MMP16: variants seen among roughly 807,000 people sequenced by gnomAD.
MMP16 encodes matrix metalloproteinase-16.
MMP16 carries 12 observed loss-of-function variants against 67.8 expected under a neutral mutation model. That is an observed-to-expected ratio of 0.18 (90% CI 0.11 to 0.29). The LOEUF is 0.29. Among genes scored for constraint, MMP16 ranks in the 10% least tolerant of loss-of-function variants. The probability of loss-of-function intolerance (pLI) is 1.00; values close to 1 mark genes in which losing one functional copy is unlikely to be tolerated. For missense variants in MMP16, 475 were observed against 765.7 expected (o/e 0.62, Z 4.48); for synonymous variants, 249 against 255.9 (o/e 0.97, Z 0.26).
intron 2 of MMP16, among the ~76,000 whole-genome samples, chr8:88,195,759 T>C (rs571618397): frequency 2.6e-5 from 4 of 152,318 alleles, no homozygotes; most frequent in African/African-American, 4.8e-5. Flanking sequence ...CTTTTTATTC[T>C]TGATTCTGTT....
At chr8:88,134,042 C>T (rs1452394364) in intron 4 of MMP16, among the ~76,000 whole-genome samples, 4 of 151,676 alleles carry the variant, frequency 2.6e-5, no homozygotes, top group African/African-American at 4.8e-5. Flanking sequence ...CAAAAGCAGA[C>T]ATCTATTTAA....
At chr8:88,190,663 C>CA (rs1429659345) in intron 2 of MMP16, among the ~76,000 whole-genome samples, 2 of 152,048 alleles carry the variant, frequency 1.3e-5, no homozygotes, top group East Asian at 1.9e-4. Flanking sequence ...CCTGTTCACA[C>CA]AAAAAACAGG....
At chr8:88,185,615 GAC>G (rs1418251476) in intron 3 of MMP16, among the ~76,000 whole-genome samples, 1 of 152,134 alleles carries the variant, frequency 6.6e-6, no homozygotes, top group Non-Finnish European at 1.5e-5. Flanking sequence ...CACATAATCT[GAC>G]AGATGATTCC....
chr8:88,138,540 A>C (rs1808160203), intron 4 of MMP16, among the ~76,000 whole-genome samples: 1 of 151,856 alleles, frequency 6.6e-6, no homozygotes, highest in Non-Finnish European at 1.5e-5. Context: ...GTGCTTCCCT[A>C]CTCTCACGGA....
At chr8:88,045,286 A>T (rs1808184281) in intron 9 of MMP16, among the ~76,000 whole-genome samples, 1 of 152,056 alleles carries the variant, frequency 6.6e-6, no homozygotes, top group Admixed American at 6.6e-5. Flanking sequence ...GATTGGTATT[A>T]ATTTATCCTG....
chr8:88,307,355 A>G (rs1048629063), intron 1 of MMP16, among the ~76,000 whole-genome samples: 3 of 152,062 alleles, frequency 2.0e-5, no homozygotes, highest in African/African-American at 7.2e-5. Context: ...ATATTCAACT[A>G]TCCTTTTCTG....
intron 1 of MMP16, among the ~76,000 whole-genome samples, chr8:88,300,541 G>C (rs1811081495): frequency 1.3e-5 from 2 of 152,086 alleles, no homozygotes; most frequent in African/African-American, 2.4e-5. Context: ...AACAGTGCTT[G>C]CATTCAAGAA....
At chr8:88,251,859 A>T (rs2129926663) in intron 1 of MMP16, among the ~76,000 whole-genome samples, 16 of 114,006 alleles carry the variant, frequency 1.4e-4, no homozygotes, top group Non-Finnish European at 1.6e-4. Flanking sequence ...TTCTCAAAAG[A>T]AGACATTTAT....
chr8:88,221,952 G>A (rs1043878561), intron 1 of MMP16, among the ~76,000 whole-genome samples: 3 of 151,940 alleles, frequency 2.0e-5, no homozygotes, highest in Non-Finnish European at 4.4e-5. Context: ...TTTTTGGCAT[G>A]ATATATTACA....
intron 6 of MMP16, among the ~76,000 whole-genome samples, chr8:88,094,132 C>T (rs931746093): frequency 8.6e-5 from 13 of 151,636 alleles, no homozygotes; most frequent in African/African-American, 1.7e-4. Context: ...TGGGAAAGTA[C>T]GATAGTGTAT....
At position 88,205,353 on chromosome 8, in the gene MMP16, T is replaced by TA. The variant is rs1300269912; in HGVS notation, c.133-8048dup. On this transcript the variant is annotated intron_variant, in intron 1 of 9. Transcript: ENST00000286614. ...AAAGCCTAGGAGACCCTATTCATGT[T>TA]AAAAAAATGAGAAGGCAGACTGTCT... Among the ~76,000 whole-genome samples, 15 of 152,130 alleles carry TA rather than the reference T, an allele frequency of 9.9e-5. No homozygotes were observed. The East Asian group carries it at 1.9e-3, about 20-fold the overall frequency.
Position 88,032,308 on chromosome 8 carries a change from G to A in MMP16, c.*9153C>T, listed in dbSNP as rs1229416766. On this transcript the variant is annotated 3_prime_UTR_variant, in exon 10 of 10. Transcript: ENST00000286614. Reference sequence around the variant, plus strand: ...TGTGTGGTTAAAGGTTGCCGCAGCAGTCAAAGGGTTATAGCATTGTAAACA... The same window carrying A: ...TGTGTGGTTAAAGGTTGCCGCAGCAATCAAAGGGTTATAGCATTGTAAACA... 6.6e-6 allele frequency: 1 copy of A among 152,182 alleles called. No homozygotes were observed. Among genetic ancestry groups the A allele is most frequent in the Non-Finnish European group, 1.5e-5 (1 of 68,040 alleles). The allele number at this position is 152,182 out of a possible 1,614,324, so 9.4% of individuals were successfully genotyped here.
chr8:88,110,219 A>C (rs899716286), intron 6 of MMP16, among the ~76,000 whole-genome samples: 1 of 151,460 alleles, frequency 6.6e-6, no homozygotes, highest in Non-Finnish European at 1.5e-5. Context: ...AAACTCAGGT[A>C]ACTGAGTCCA....
At chr8:88,146,944 C>A (rs1376961730) in intron 4 of MMP16, among the ~76,000 whole-genome samples, 3 of 151,948 alleles carry the variant, frequency 2.0e-5, no homozygotes, top group Admixed American at 6.6e-5. Context: ...TATAAATGTT[C>A]TTGCTGATTC....
At chr8:88,195,083 C>G (rs1485859039) in intron 2 of MMP16, among the ~76,000 whole-genome samples, 1 of 152,094 alleles carries the variant, frequency 6.6e-6, no homozygotes, top group Non-Finnish European at 1.5e-5. Flanking sequence ...TTTACATCCT[C>G]CTGCCAGAGA....
At chr8:88,135,323 T>C (rs900354210) in intron 4 of MMP16, among the ~76,000 whole-genome samples, 6 of 151,836 alleles carry the variant, frequency 4.0e-5, no homozygotes, top group Non-Finnish European at 1.5e-5. Flanking sequence ...GCATCTAAAA[T>C]GCTGCAAGCA....
intron 1 of MMP16, among the ~76,000 whole-genome samples, chr8:88,228,633 C>G (rs974120390): frequency 2.0e-5 from 3 of 152,032 alleles, no homozygotes; most frequent in Non-Finnish European, 4.4e-5. Context: ...AATAACTTCA[C>G]ACATCTGAGA....
chr8:88,189,421 T>C (rs1809131042), intron 2 of MMP16, among the ~76,000 whole-genome samples: 1 of 152,140 alleles, frequency 6.6e-6, no homozygotes, highest in Admixed American at 6.5e-5. Context: ...CCACACTAGA[T>C]ATCCAGGTAT....
chr8:88,312,771 C>T lies in MMP16; in HGVS notation c.132+14304G>A, dbSNP rs565141364. Among the ~76,000 whole-genome samples the T allele has an allele frequency of 5.3e-5, 8 of 152,214 alleles. No homozygotes were observed. In the East Asian group the frequency reaches 1.5e-3, roughly 29 times the overall value. On this transcript the variant is annotated intron_variant, in intron 1 of 9. Coordinates refer to ENST00000286614, the MANE Select transcript of MMP16 (RefSeq NM_005941.5). ...ATCACCTGAGGTCAGGAGTTAGAGA[C>T]CAGCCTGACCAACACGGTGAAACCC...
Sources: gnomAD v4.1 joint callset for allele counts (sites outside exome capture counted in the v4.1 genomes callset) on GRCh38, gnomAD v4.1.1 for gene constraint, MANE v1.5 for transcripts, NCBI Gene and HGNC (gene_info 2026-07-23, HGNC 2026-07-21) for gene names.